IFNG-AS1: variants seen among roughly 807,000 people sequenced by gnomAD.
IFNG-AS1 encodes IFNG antisense RNA 1 (non-protein coding).
chr12:67,990,217 A>C (rs1879471833), intron 1 of IFNG-AS1, among the ~76,000 whole-genome samples: 3 of 152,362 alleles, frequency 2.0e-5, no homozygotes, highest in Admixed American at 2.0e-4. Context: ...CATATTGCCA[A>C]ATTAAGTTAA....
At position 68,004,110 on chromosome 12, in the gene IFNG-AS1, A is replaced by G. The variant is rs562500321; in HGVS notation, n.185-1980A>G. On this transcript the variant is annotated intron_variant and non_coding_transcript_variant, in intron 2 of 5. Transcript: ENST00000536914. ...GTGGGCTTGGGTATGCACCTGGGGT[A>G]GTAGGGATAAAAACTTCAAATACTA... Among the ~76,000 whole-genome samples the G allele has an allele frequency of 4.6e-5, 7 of 152,230 alleles. No individual in the cohort carries two copies. In the South Asian group the frequency reaches 1.5e-3, roughly 32 times the overall value.
intron 3 of IFNG-AS1, among the ~76,000 whole-genome samples, chr12:68,007,637 A>T (rs541955275): frequency 2.0e-4 from 30 of 152,240 alleles, no homozygotes; most frequent in Non-Finnish European, 4.0e-4. Flanking sequence ...TAATCACTAT[A>T]ATACATGAAC....
At chr12:67,992,812 T>G (rs146385701) in intron 1 of IFNG-AS1, among the ~76,000 whole-genome samples, 36 of 152,306 alleles carry the variant, frequency 2.4e-4, no homozygotes, top group African/African-American at 8.4e-4. Flanking sequence ...ACAGTAACAA[T>G]GAAAGGTAAA....
intron 2 of IFNG-AS1, among the ~76,000 whole-genome samples, chr12:67,997,678 C>A (rs1304042624): frequency 6.7e-6 from 1 of 150,368 alleles, no homozygotes; most frequent in Non-Finnish European, 1.5e-5. Context: ...AATTTTAATG[C>A]ATGGCAAAAA....
intron 2 of IFNG-AS1, among the ~76,000 whole-genome samples, chr12:67,996,680 G>T (rs1291963036): frequency 6.6e-6 from 1 of 152,206 alleles, no homozygotes; most frequent in Non-Finnish European, 1.5e-5. Flanking sequence ...TAGCAGAAAA[G>T]CTCAGGAACT....
chr12:67,990,992 G>A (rs562352343), intron 1 of IFNG-AS1, among the ~76,000 whole-genome samples: 1 of 152,252 alleles, frequency 6.6e-6, no homozygotes, highest in South Asian at 2.1e-4. Flanking sequence ...ATGTGCATAT[G>A]GCTATTAAAG....
chr12:68,005,490 C>T (rs947182145), intron 2 of IFNG-AS1, among the ~76,000 whole-genome samples: 2 of 152,182 alleles, frequency 1.3e-5, no homozygotes, highest in African/African-American at 2.4e-5. Flanking sequence ...AGCAAAAAAA[C>T]CCAAAAACGA....
chr12:67,998,549 G>T (rs545486037), intron 2 of IFNG-AS1, among the ~76,000 whole-genome samples: 12 of 151,994 alleles, frequency 7.9e-5, no homozygotes, highest in African/African-American at 2.9e-4. Context: ...GGGATGATGG[G>T]GGTGGGAAAG....
At chr12:68,016,315 C>G (rs1440198866) in intron 3 of IFNG-AS1, among the ~76,000 whole-genome samples, 1 of 152,022 alleles carries the variant, frequency 6.6e-6, no homozygotes. Context: ...TTGTTAAAAC[C>G]AATGATTCCC....
intron 2 of IFNG-AS1, among the ~76,000 whole-genome samples, chr12:68,005,499 G>A (rs568470044): frequency 5.9e-5 from 9 of 152,076 alleles, no homozygotes; most frequent in Non-Finnish European, 5.9e-5. Context: ...ACCCAAAAAC[G>A]AAACCAAATC....
At chr12:67,992,219 T>C (rs1316268380) in intron 1 of IFNG-AS1, among the ~76,000 whole-genome samples, 1 of 152,260 alleles carries the variant, frequency 6.6e-6, no homozygotes, top group Non-Finnish European at 1.5e-5. Flanking sequence ...ACTTTGCATT[T>C]CTTTTAATAT....
At chr12:67,990,251 T>C (rs943028003) in intron 1 of IFNG-AS1, among the ~76,000 whole-genome samples, 5 of 152,274 alleles carry the variant, frequency 3.3e-5, no homozygotes, top group African/African-American at 7.2e-5. Context: ...TTTTGCTTAT[T>C]AAATTGACTT....
At chr12:68,015,842 T>C (rs1217475376) in intron 3 of IFNG-AS1, among the ~76,000 whole-genome samples, 1 of 152,090 alleles carries the variant, frequency 6.6e-6, no homozygotes, top group Non-Finnish European at 1.5e-5. Flanking sequence ...TACCCACCAG[T>C]ATAGCGTGGA....
intron 1 of IFNG-AS1, among the ~76,000 whole-genome samples, chr12:67,990,218 A>G (rs1879471906): frequency 6.6e-6 from 1 of 152,242 alleles, no homozygotes. Context: ...ATATTGCCAA[A>G]TTAAGTTAAA....
chr12:68,002,521 A>G (rs980816701), intron 2 of IFNG-AS1, among the ~76,000 whole-genome samples: 2 of 152,176 alleles, frequency 1.3e-5, no homozygotes, highest in Non-Finnish European at 2.9e-5. Context: ...ATACATGGAA[A>G]AGGGGGTGGA....
chr12:68,001,517 C>A (rs534636721), intron 2 of IFNG-AS1: 2 of 240,340 alleles, frequency 8.3e-6, no homozygotes, highest in Non-Finnish European at 1.7e-5. Context: ...GGCCAGAAAT[C>A]GCTTGATACT....
chr12:67,995,335 C>T (rs554847996), intron 1 of IFNG-AS1, among the ~76,000 whole-genome samples: 11 of 148,440 alleles, frequency 7.4e-5, no homozygotes, highest in Admixed American at 2.7e-4. Context: ...GCAGGAGAAT[C>T]GCTTGAACCC....
chr12:67,994,353 C>T (rs1211035100), intron 1 of IFNG-AS1, among the ~76,000 whole-genome samples: 2 of 152,198 alleles, frequency 1.3e-5, no homozygotes, highest in Non-Finnish European at 2.9e-5. Flanking sequence ...TCCGTCAACG[C>T]ATCGTTACAT....
At chr12:67,995,166 G>C (rs1879606655) in intron 1 of IFNG-AS1, among the ~76,000 whole-genome samples, 1 of 152,024 alleles carries the variant, frequency 6.6e-6, no homozygotes. Flanking sequence ...GCTCACGTCT[G>C]TAATCCCAGC....
Sources: gnomAD v4.1 joint callset for allele counts (sites outside exome capture counted in the v4.1 genomes callset) on GRCh38, gnomAD v4.1.1 for gene constraint, MANE v1.5 for transcripts, NCBI Gene and HGNC (gene_info 2026-07-23, HGNC 2026-07-21) for gene names.